RAB8B: variants seen among roughly 807,000 people sequenced by gnomAD.
The protein encoded by RAB8B is ras-related protein Rab-8B.
RAB8B carries 11 observed loss-of-function variants against 32.0 expected under a neutral mutation model. That is an observed-to-expected ratio of 0.34 (90% CI 0.22 to 0.57). The LOEUF (loss-of-function observed/expected upper bound fraction) is 0.57. Ranked by LOEUF, RAB8B falls within the 20% of genes least tolerant of loss-of-function variation. RAB8B has a pLI of 0.86. For synonymous variants in RAB8B, 103 were observed against 89.6 expected (o/e 1.15, Z -0.85); for missense variants, 190 against 258.5 (o/e 0.73, Z 1.82).
intron 1 of RAB8B, among the ~76,000 whole-genome samples, chr15:63,190,860 ATTG>A (rs1335521763): frequency 2.6e-5 from 4 of 152,198 alleles, no homozygotes; most frequent in African/African-American, 9.7e-5. Flanking sequence ...GGTTCTAATT[ATTG>A]TTAAGTGAAT....
At chr15:63,205,127 G>A (rs889055910) in intron 1 of RAB8B, among the ~76,000 whole-genome samples, 4 of 152,106 alleles carry the variant, frequency 2.6e-5, no homozygotes, top group African/African-American at 4.8e-5. Context: ...GTGAAACCCC[G>A]TCTCTACAAA....
chr15:63,235,275 G>T (rs765161764), intron 1 of RAB8B, among the ~76,000 whole-genome samples: 9 of 152,000 alleles, frequency 5.9e-5, no homozygotes, highest in Non-Finnish European at 1.3e-4. Flanking sequence ...GGGCTCACAG[G>T]ACCTCTTTAT....
In RAB8B at chr15:63,211,253, C is replaced by T. The variant is rs137999150; in HGVS notation, c.124+21505C>T. ...AAATAGTAGAATATCCTTTGTAGAT[C>T]GGAAGTATAGAAATTACTGAGAATA... On this transcript the variant is annotated intron_variant, in intron 1 of 7. Transcript: ENST00000321437. Among the ~76,000 whole-genome samples the T allele has an allele frequency of 5.9e-4, 90 of 152,262 alleles. No individual in the cohort carries two copies. The East Asian group carries it at 0.015, about 25-fold the overall frequency.
intron 1 of RAB8B, among the ~76,000 whole-genome samples, chr15:63,226,515 A>AT (rs768087833): frequency 2.6e-5 from 4 of 152,180 alleles, no homozygotes; most frequent in Non-Finnish European, 5.9e-5. Context: ...CAGAATGCAC[A>AT]CATTTTTTTC....
At chr15:63,192,220 C>T (rs1234593594) in intron 1 of RAB8B, among the ~76,000 whole-genome samples, 1 of 152,208 alleles carries the variant, frequency 6.6e-6, no homozygotes, top group Non-Finnish European at 1.5e-5. Flanking sequence ...ACACTGCCTT[C>T]AAACTGCAGA....
intron 3 of RAB8B, among the ~76,000 whole-genome samples, chr15:63,253,133 G>A (rs75349894): frequency 0.035 from 5,303 of 152,260 alleles, 132 homozygotes; most frequent in Middle Eastern, 0.068. Context: ...ATTTGTATTT[G>A]AGGCTGGAAG....
chr15:63,207,956 G>A, intron 1 of RAB8B, among the ~76,000 whole-genome samples: 1 of 130,372 alleles, frequency 7.7e-6, no homozygotes, highest in East Asian at 2.1e-4. Context: ...CCTCTCTCCT[G>A]GACTTTGCCA....
intron 3 of RAB8B, among the ~76,000 whole-genome samples, chr15:63,252,629 A>G (rs1183233595): frequency 6.6e-6 from 1 of 152,242 alleles, no homozygotes; most frequent in Non-Finnish European, 1.5e-5. Context: ...TAGGCAGCCA[A>G]ACACATTGCA....
chr15:63,197,478 G>A (rs2037612998), intron 1 of RAB8B, among the ~76,000 whole-genome samples: 1 of 146,966 alleles, frequency 6.8e-6, no homozygotes, highest in South Asian at 2.2e-4. Flanking sequence ...GTCTCAAGCA[G>A]TTCTCCTGCC....
chr15:63,216,230 T>TA lies in RAB8B; in HGVS notation c.124+26483dup, dbSNP rs1418176315. On this transcript the variant is annotated intron_variant, in intron 1 of 7. Coordinates refer to ENST00000321437, the MANE Select transcript of RAB8B (RefSeq NM_016530.3). Reference sequence around the variant, plus strand: ...TTAATTAATTAATTAATTAATTAATTATTATTTTTTTTTTTGGAGACAGAG... The same window carrying TA: ...TTAATTAATTAATTAATTAATTAATTAATTATTTTTTTTTTTGGAGACAGAG... 2.3e-3 allele frequency among the ~76,000 whole-genome samples: 299 copies of TA among 132,444 alleles called. 3 individuals carry two copies. The highest frequency in any genetic ancestry group is 6.6e-3 in the African/African-American group (247 of 37,230). The allele number at this position is 132,444 out of a possible 152,430, so 86.9% of individuals were successfully genotyped here. A position where few individuals can be genotyped will look rare whatever the true frequency, so the allele number is the denominator to read the frequency against.
intron 1 of RAB8B, among the ~76,000 whole-genome samples, chr15:63,204,036 A>G (rs1280686638): frequency 6.6e-6 from 1 of 151,950 alleles, no homozygotes; most frequent in African/African-American, 2.4e-5. Flanking sequence ...GTAAAGCATT[A>G]ATGAAGCACA....
intron 1 of RAB8B, among the ~76,000 whole-genome samples, chr15:63,226,049 A>G (rs1264087264): frequency 6.6e-6 from 1 of 152,036 alleles, no homozygotes; most frequent in African/African-American, 2.4e-5. Flanking sequence ...CCATGTTCCC[A>G]GGCTGGTCTT....
Position 63,248,754 on chromosome 15 carries a change from TG to T in RAB8B, c.186-888del, listed in dbSNP as rs2038091459. On this transcript the variant is annotated intron_variant, in intron 2 of 7. Coordinates refer to ENST00000321437, the MANE Select transcript of RAB8B (RefSeq NM_016530.3). The surrounding 1 kb of genome is among the most constrained non-coding windows in gnomAD (Gnocchi z 4.4). The stretch of plus-strand genomic sequence containing the variant: ...TGCTTTTTAACTTATGATATTCCCT[TG>T]GGCCTTCATCTTTTATTAGGATTTG... Among the ~76,000 whole-genome samples the T allele has an allele frequency of 6.6e-6, 1 of 152,190 alleles. No homozygotes were observed. The highest frequency in any genetic ancestry group is 1.5e-5 in the Non-Finnish European group (1 of 68,026).
At chr15:63,231,463 G>A (rs565410749) in intron 1 of RAB8B, among the ~76,000 whole-genome samples, 1 of 150,202 alleles carries the variant, frequency 6.7e-6, no homozygotes, top group African/African-American at 2.4e-5. Flanking sequence ...TAGCAATAGC[G>A]CCTTAGTACC....
chr15:63,240,441 A>G (rs2038022824), intron 1 of RAB8B, among the ~76,000 whole-genome samples: 1 of 152,176 alleles, frequency 6.6e-6, no homozygotes, highest in African/African-American at 2.4e-5. Context: ...ATGAGGATAT[A>G]TAGGTTCAGA....
At chr15:63,223,849 G>A in intron 1 of RAB8B, 1 of 431,606 alleles carries the variant, frequency 2.3e-6, no homozygotes, top group Non-Finnish European at 4.7e-6. Flanking sequence ...CTTCTATAGT[G>A]CGGCCTCACA....
intron 1 of RAB8B, among the ~76,000 whole-genome samples, chr15:63,227,490 A>G (rs952609947): frequency 6.6e-6 from 1 of 152,248 alleles, no homozygotes; most frequent in Non-Finnish European, 1.5e-5. Context: ...TCAGGCAGAA[A>G]CGGGGTAAAT....
At chr15:63,208,674 G>A (rs1044531283) in intron 1 of RAB8B, among the ~76,000 whole-genome samples, 3 of 152,070 alleles carry the variant, frequency 2.0e-5, no homozygotes, top group Admixed American at 6.5e-5. Flanking sequence ...ATTTCGGCCT[G>A]TTGACATCTG....
chr15:63,237,009 C>T (rs2037986317), intron 1 of RAB8B, among the ~76,000 whole-genome samples: 1 of 152,180 alleles, frequency 6.6e-6, no homozygotes, highest in Non-Finnish European at 1.5e-5. Flanking sequence ...GTTTGTCTTT[C>T]TGTACCTGGC....
Sources: gnomAD v4.1 joint callset for allele counts (sites outside exome capture counted in the v4.1 genomes callset) on GRCh38, gnomAD v4.1.1 for gene constraint, Gnocchi (gnomAD v3.1) non-coding constraint, MANE v1.5 for transcripts, NCBI Gene and HGNC (gene_info 2026-07-23, HGNC 2026-07-21) for gene names.